The following NEB variants were observed in gnomAD, a reference collection of about 807,000 sequenced individuals.
NEB encodes the protein nebulin.
A neutral mutation model predicts 952.2 loss-of-function variants in NEB; 512 were observed. The observed-to-expected ratio is 0.54, with a 90% CI of 0.50 to 0.58. The LOEUF (loss-of-function observed/expected upper bound fraction) is 0.58. Ranked by LOEUF, NEB falls within the 20% of genes least tolerant of loss-of-function variation. The pLI, the probability that NEB is intolerant of heterozygous loss-of-function variation, is 0.00. For missense variants in NEB, 8,428 were observed against 9,231.1 expected, an observed-to-expected ratio of 0.91 and a Z score of 3.56; for synonymous variants, 2,900 against 3,149.8, an observed-to-expected ratio of 0.92 and a Z score of 2.66.
intron 154 of NEB, among the ~76,000 whole-genome samples, 181 bp from the exon 155 acceptor site, chr2:151,519,250 TAAAC>T: frequency 6.6e-6 from 1 of 152,286 alleles, no homozygotes. Flanking sequence ...GATGAATGGA[TAAAC>T]AAAATGTGGC....
Position 151,485,736 on chromosome 2 carries a change from G to C in NEB, c.*24C>G. 2 of 1,587,076 alleles carry C rather than the reference G, an allele frequency of 1.3e-6. No individual in the cohort carries two copies. Among genetic ancestry groups the C allele is most frequent in the African/African-American group, 1.3e-5 (1 of 74,646 alleles). ...GACTGCAGGATCTGTAAGTCCTGCA[G>C]ACAAGTGTGATGCTTTGAAATGCCT... On this transcript the variant is annotated 3_prime_UTR_variant, in exon 182 of 182. Transcript: ENST00000397345.
At chr2:151,562,061 G>A (rs1262901032) in intron 121 of NEB, 49 bp downstream of exon 121, 2 of 1,457,790 alleles carry the variant, frequency 1.4e-6, no homozygotes, top group Non-Finnish European at 1.9e-6. Flanking sequence ...ACACCACCAT[G>A]GATTCTGATG....
intron 158 of NEB, 114 bp from the exon 159 acceptor site, chr2:151,514,542 G>A: frequency 1.2e-6 from 1 of 833,542 alleles, no homozygotes; most frequent in South Asian, 1.4e-5. Flanking sequence ...AGTTTAGTAA[G>A]TAAAAATATG....
chr2:151,649,248 A>G (rs114425507), intron 54 of NEB, among the ~76,000 whole-genome samples: 536 of 152,338 alleles, frequency 3.5e-3, no homozygotes, highest in Non-Finnish European at 5.7e-3. Flanking sequence ...CATTTACTAT[A>G]CATTCTGGAA....
rs181131090 is a variant in NEB, at chr2:151,714,454, G to A, written c.822+2962C>T. Among the ~76,000 whole-genome samples the A allele has an allele frequency of 1.8e-3, 272 of 152,246 alleles. 2 individuals carry two copies. Among genetic ancestry groups the A allele is most frequent in the African/African-American group, 6.1e-3 (252 of 41,552 alleles). On this transcript the variant is annotated intron_variant, in intron 10 of 181. Transcript: ENST00000397345. ...CATAACCTGTTTTGCCAGGATCCAAGTTCATAGTCTTTCTGTAACCTCAAG... is the reference window on the plus strand; with the variant it reads ...CATAACCTGTTTTGCCAGGATCCAAATTCATAGTCTTTCTGTAACCTCAAG...
intron 24 of NEB, among the ~76,000 whole-genome samples, chr2:151,688,764 A>T (rs115751282): frequency 0.012 from 1,903 of 152,302 alleles, 45 homozygotes; most frequent in African/African-American, 0.044. Context: ...TTATAACAAA[A>T]CTGTAATAAA....
At chr2:151,535,828 AG>A (rs1172861835) in intron 141 of NEB, 33 bp from the exon 142 acceptor site, 1 of 1,187,290 alleles carries the variant, frequency 8.4e-7, no homozygotes, top group Non-Finnish European at 1.2e-6. Context: ...ACTTGACAGC[AG>A]GCTATGATTA....
chr2:151,510,565 T>C (rs1180781290), intron 161 of NEB, among the ~76,000 whole-genome samples: 1 of 152,238 alleles, frequency 6.6e-6, no homozygotes, highest in Non-Finnish European at 1.5e-5. Context: ...TAAGAGTACA[T>C]TACAATAAGA....
At chr2:151,519,827 G>A in intron 153 of NEB, 59 bp from the exon 154 acceptor site, 1 of 1,152,630 alleles carries the variant, frequency 8.7e-7, no homozygotes. Flanking sequence ...TGGGAATTGG[G>A]GAATAGTAGA....
rs757394301 is a variant in NEB at position 151,563,655 on chromosome 2, T to A, written c.18644A>T (p.Glu6215Val). 8.7e-6 allele frequency: 14 copies of A among 1,613,766 alleles called. No homozygotes were observed. The highest frequency in any genetic ancestry group is 6.7e-5 in the Admixed American group (4 of 59,998). ...CAGACAGTGAACCACACCAGGGAAT[T>A]CACCGATCACTTTTCCAGCCAGGTA... The part of the protein sequence containing the change: ...GHYLAGKVIG[E>V]FPGVVHCLDF... Residue 6215 changes from glutamate (E) to valine (V), a missense_variant, in exon 119 of 182, where the codon GAA becomes GTA. By Grantham distance (121) the Glu-to-Val change is moderately radical (BLOSUM62 -2). This residue lies in a region of NEB where 3,374 missense variants were observed against 3,651.5 expected (regional missense o/e 0.92). Transcript: ENST00000397345.
chr2:151,697,518 G>C, intron 14 of NEB, 26 bp downstream of exon 14: 3 of 1,606,826 alleles, frequency 1.9e-6, no homozygotes, highest in Non-Finnish European at 2.6e-6. Flanking sequence ...TTTTTTAACA[G>C]AAAGAGTGAC....
chr2:151,524,269 A>G, intron 153 of NEB, 42 bp downstream of exon 153: 5 of 1,517,628 alleles, frequency 3.3e-6, no homozygotes, highest in Non-Finnish European at 4.6e-6. Flanking sequence ...GTCTTTTATA[A>G]TCTCCTCACA....
Position 151,692,099 on chromosome 2 carries a change from T to G in NEB, c.2066A>C (p.Tyr689Ser). 6.2e-7 allele frequency: 1 copy of G among 1,614,028 alleles called. No individual in the cohort carries two copies. The highest frequency in any genetic ancestry group is 1.1e-5 in the South Asian group (1 of 91,088). ...GHYVGSMEDP[Y>S]HTHCMKVAAQ... The stretch of plus-strand genomic sequence containing the variant: ...TGCAACTTTCATGCAGTGTGTGTGA[T>G]ATGGGTCCTCCATGCTGCCTACATA... The change falls in exon 22 of 182, where the codon TAT becomes TCT. Residue 689 changes from tyrosine to serine, a missense_variant. Around this residue, in one of 11 missense-constraint regions of NEB, gnomAD observed 2,851 missense variants for 2,791.5 expected, o/e 1.02. Transcript: ENST00000397345.
intron 168 of NEB, among the ~76,000 whole-genome samples, chr2:151,499,767 C>G (rs2063025656): frequency 6.6e-6 from 1 of 152,186 alleles, no homozygotes; most frequent in Non-Finnish European, 1.5e-5. Flanking sequence ...TACGGTCTAA[C>G]AAATATTTAA....
intron 62 of NEB, 75 bp from the exon 63 acceptor site, chr2:151,639,459 A>G: frequency 9.3e-7 from 1 of 1,075,548 alleles, no homozygotes; most frequent in Non-Finnish European, 1.3e-6. Flanking sequence ...GGGCCACAAA[A>G]ACTTTATAAA....
At chr2:151,567,558 A>G in intron 113 of NEB, 79 bp from the exon 114 acceptor site, 2 of 1,329,276 alleles carry the variant, frequency 1.5e-6, no homozygotes, top group Non-Finnish European at 2.0e-6. Flanking sequence ...CTACTAAGGG[A>G]TATCAGCAAA....
chr2:151,609,158 A>T (rs551514489), intron 81 of NEB, among the ~76,000 whole-genome samples: 1 of 151,642 alleles, frequency 6.6e-6, no homozygotes, highest in East Asian at 1.9e-4. Flanking sequence ...TGGAGATTGC[A>T]CTCCAGCCTG....
intron 57 of NEB, 149 bp from the exon 58 acceptor site, chr2:151,643,502 T>C: frequency 1.2e-6 from 1 of 832,496 alleles, no homozygotes; most frequent in Non-Finnish European, 1.8e-6. Flanking sequence ...TTCTAAATTT[T>C]TGGTATGAAT....
Position 151,733,126 on chromosome 2 carries a change from C to A in NEB, c.31G>T (p.Val11Leu), listed in dbSNP as rs371035828. The A allele has an allele frequency of 3.1e-6, 5 of 1,603,436 alleles. No homozygotes were observed. In the African/African-American group the frequency reaches 5.4e-5, roughly 17 times the overall value. MADDEDYEEV[V>L]EYYTEEVVYE... ...GTTTTTTTTTTAAATCTTACCTCCACCACCTCCTCATAGTCTTCGTCATCT... is the reference window on the plus strand; with the variant it reads ...GTTTTTTTTTTAAATCTTACCTCCAACACCTCCTCATAGTCTTCGTCATCT... The change falls in exon 3 of 182, where the codon GTG becomes TTG. Residue 11 changes from valine (V) to leucine (L), a missense_variant. By Grantham distance (32) the Val-to-Leu change is conservative. Coordinates refer to ENST00000397345, the MANE Select transcript of NEB (RefSeq NM_001164508.2).
Sources: gnomAD v4.1 joint callset for allele counts (sites outside exome capture counted in the v4.1 genomes callset) on GRCh38, gnomAD v4.1.1 for gene constraint, gnomAD v4.1.1 regional missense constraint, MANE v1.5 for transcripts, NCBI Gene and HGNC (gene_info 2026-07-23, HGNC 2026-07-21) for gene names.